The following ANKRD44 variants were observed in gnomAD, a reference collection of about 807,000 sequenced individuals.
ANKRD44 encodes ankyrin repeat domain 44, also known as serine/threonine-protein phosphatase 6 regulatory ankyrin repeat subunit B.
ANKRD44 carries 35 observed loss-of-function variants against 116.0 expected under a neutral mutation model. The observed-to-expected ratio is 0.30, with a 90% CI of 0.23 to 0.40. ANKRD44 has a LOEUF of 0.40. ANKRD44 is among the 10% of genes least tolerant of loss of function. The pLI, the probability that ANKRD44 is intolerant of heterozygous loss-of-function variation, is 1.00. For missense variants in ANKRD44, 1,014 were observed against 1,242.6 expected (o/e 0.82, Z 2.77); for synonymous variants, 435 against 461.8 (o/e 0.94, Z 0.74).
At chr2:197,169,594 T>A (rs900011002) in intron 2 of ANKRD44, among the ~76,000 whole-genome samples, 2 of 152,166 alleles carry the variant, frequency 1.3e-5, no homozygotes, top group Non-Finnish European at 2.9e-5. Context: ...TCTGTTTTCC[T>A]CCCAGTTGAC....
At chr2:197,148,526 C>T (rs1461341326) in intron 2 of ANKRD44, among the ~76,000 whole-genome samples, 1 of 152,154 alleles carries the variant, frequency 6.6e-6, no homozygotes, top group Admixed American at 6.5e-5. Flanking sequence ...ATACATCTAA[C>T]AACCCTTGAT....
intron 21 of ANKRD44, among the ~76,000 whole-genome samples, chr2:196,972,360 C>T (rs6745553): frequency 0.035 from 5,328 of 152,190 alleles, 300 homozygotes; most frequent in African/African-American, 0.12. Context: ...TGTGCCACCA[C>T]GCCCGGTTAA....
chr2:197,151,844 G>C (rs903118338), intron 2 of ANKRD44, among the ~76,000 whole-genome samples: 1 of 152,120 alleles, frequency 6.6e-6, no homozygotes, highest in Non-Finnish European at 1.5e-5. Flanking sequence ...TAAATGATTT[G>C]TGAACGTATC....
At chr2:197,256,581 G>A (rs911889366) in intron 1 of ANKRD44, among the ~76,000 whole-genome samples, 1 of 152,184 alleles carries the variant, frequency 6.6e-6, no homozygotes, top group Non-Finnish European at 1.5e-5. Context: ...TCATGAACCT[G>A]AAGTTAAACA....
intron 23 of ANKRD44, 96 bp from the exon 24 acceptor site, chr2:196,999,148 T>G: frequency 1.4e-6 from 2 of 1,432,376 alleles, no homozygotes; most frequent in Non-Finnish European, 1.9e-6. Flanking sequence ...GTCTTAAGGA[T>G]TTAAAACTTC....
intron 1 of ANKRD44, among the ~76,000 whole-genome samples, chr2:197,188,665 T>C (rs1297572725): frequency 1.3e-5 from 2 of 152,220 alleles, no homozygotes; most frequent in African/African-American, 4.8e-5. Flanking sequence ...CCTACATAGA[T>C]GTTTTCATTA....
chr2:197,180,106 C>T (rs369220020), intron 2 of ANKRD44, among the ~76,000 whole-genome samples: 6 of 149,898 alleles, frequency 4.0e-5, no homozygotes, highest in Non-Finnish European at 7.4e-5. Flanking sequence ...ACAGTGTCAA[C>T]GTTTAAAGTG....
chr2:197,019,551 C>A (rs892169872), intron 17 of ANKRD44, among the ~76,000 whole-genome samples: 2 of 152,296 alleles, frequency 1.3e-5, no homozygotes, highest in South Asian at 2.1e-4. Flanking sequence ...GGTTACACAG[C>A]CTAATGTGGA....
chr2:197,237,453 C>T (rs2082001581), intron 1 of ANKRD44, among the ~76,000 whole-genome samples: 1 of 152,218 alleles, frequency 6.6e-6, no homozygotes, highest in Non-Finnish European at 1.5e-5. Context: ...AGCTACACTG[C>T]TGAACTCCTT....
At chr2:197,044,545 G>A (rs531412628) in intron 16 of ANKRD44, among the ~76,000 whole-genome samples, 1 of 152,176 alleles carries the variant, frequency 6.6e-6, no homozygotes, top group East Asian at 1.9e-4. Flanking sequence ...ATCTTTAGTA[G>A]AGACAGGGTT....
intron 1 of ANKRD44, among the ~76,000 whole-genome samples, chr2:197,274,905 G>A (rs2083028303): frequency 6.6e-6 from 1 of 152,000 alleles, no homozygotes; most frequent in South Asian, 2.1e-4. Context: ...ATCAGCCTGG[G>A]CAATATAGAG....
At chr2:197,062,963 G>T (rs1425332288) in intron 16 of ANKRD44, among the ~76,000 whole-genome samples, 3 of 152,236 alleles carry the variant, frequency 2.0e-5, no homozygotes, top group Non-Finnish European at 4.4e-5. Flanking sequence ...CAGCTTTGAA[G>T]AGAGTAGTGG....
intron 16 of ANKRD44, among the ~76,000 whole-genome samples, chr2:197,044,062 TTC>T (rs955794691): frequency 4.9e-4 from 74 of 152,344 alleles, no homozygotes; most frequent in African/African-American, 1.6e-3. Context: ...GTAGGATATT[TTC>T]TTTTTTGTTT....
intron 1 of ANKRD44, among the ~76,000 whole-genome samples, chr2:197,218,840 A>G (rs933499739): frequency 3.0e-5 from 4 of 132,774 alleles, no homozygotes; most frequent in Non-Finnish European, 6.2e-5. Flanking sequence ...GCCCACTACA[A>G]TCTCCGCCTC....
At chr2:197,213,735 A>T (rs1440274479) in intron 1 of ANKRD44, among the ~76,000 whole-genome samples, 1 of 152,234 alleles carries the variant, frequency 6.6e-6, no homozygotes, top group African/African-American at 2.4e-5. Context: ...CGATTTATAT[A>T]GCCAGTTTGA....
intron 9 of ANKRD44, among the ~76,000 whole-genome samples, chr2:197,109,031 G>A (rs2078503582): frequency 6.6e-6 from 1 of 152,206 alleles, no homozygotes; most frequent in Non-Finnish European, 1.5e-5. Flanking sequence ...TCATAGAGAT[G>A]ACCAGCATGG....
At chr2:197,083,280 C>A (rs539521434) in intron 14 of ANKRD44, 89 bp downstream of exon 14, 1,414 of 1,470,218 alleles carry the variant, frequency 9.6e-4, no homozygotes, top group Non-Finnish European at 1.1e-3. Flanking sequence ...ACTCTTTTTC[C>A]ATGAGGCGGT....
intron 16 of ANKRD44, among the ~76,000 whole-genome samples, chr2:197,049,444 A>G (rs1302326605): frequency 6.6e-6 from 1 of 152,186 alleles, no homozygotes; most frequent in Non-Finnish European, 1.5e-5. Flanking sequence ...AGACTTCTGA[A>G]TATATACACG....
chr2:197,154,173 T>TC (rs2079739211), intron 2 of ANKRD44, among the ~76,000 whole-genome samples: 1 of 147,506 alleles, frequency 6.8e-6, no homozygotes, highest in Non-Finnish European at 1.5e-5. Flanking sequence ...CTATCGGCTT[T>TC]CTTTTTTTTT....
Sources: gnomAD v4.1 joint callset for allele counts (sites outside exome capture counted in the v4.1 genomes callset) on GRCh38, gnomAD v4.1.1 for gene constraint, MANE v1.5 for transcripts, NCBI Gene and HGNC (gene_info 2026-07-23, HGNC 2026-07-21) for gene names.